CRACD: variants seen among roughly 807,000 people sequenced by gnomAD.
CRACD encodes capping protein-inhibiting regulator of actin dynamics.
Under a neutral mutation model 106.8 loss-of-function variants are expected in CRACD, and 56 were observed. The ratio of observed to expected loss-of-function variants is 0.52; its 90% CI spans 0.42 to 0.66. CRACD has a LOEUF of 0.66. Ranked by LOEUF, CRACD falls within the 30% of genes least tolerant of loss-of-function variation. The pLI is 0.00. For missense variants in CRACD, 1,730 were observed against 1,623.2 expected (o/e 1.07, Z -1.13); for synonymous variants, 754 against 670.8 (o/e 1.12, Z -1.92).
chr4:56,174,654 A>G (rs1379800885), intron 1 of CRACD, among the ~76,000 whole-genome samples: 1 of 152,196 alleles, frequency 6.6e-6, no homozygotes, highest in Non-Finnish European at 1.5e-5. Context: ...GTGTGTATAT[A>G]TAACACATAT....
chr4:56,250,420 G>A (rs539956995), intron 2 of CRACD, among the ~76,000 whole-genome samples: 19 of 152,260 alleles, frequency 1.2e-4, no homozygotes, highest in Admixed American at 9.8e-4. Context: ...AATAAGCTGT[G>A]TATTATTATC....
intron 2 of CRACD, among the ~76,000 whole-genome samples, chr4:56,193,060 G>C (rs1308005603): frequency 6.6e-6 from 1 of 152,178 alleles, no homozygotes; most frequent in African/African-American, 2.4e-5. Flanking sequence ...CGGTATAATG[G>C]ACTCACAGTT....
intron 1 of CRACD, among the ~76,000 whole-genome samples, chr4:56,085,445 G>A (rs1210481423): frequency 1.3e-5 from 2 of 152,010 alleles, no homozygotes; most frequent in African/African-American, 4.8e-5. Flanking sequence ...CAAGAGAAAC[G>A]GATTCTTGTC....
At chr4:56,200,430 G>T (rs931651146) in intron 2 of CRACD, among the ~76,000 whole-genome samples, 1 of 152,010 alleles carries the variant, frequency 6.6e-6, no homozygotes, top group Non-Finnish European at 1.5e-5. Flanking sequence ...AAGCATAATG[G>T]GAGCATTGAT....
In CRACD at chr4:56,049,163, C is replaced by CGCTGCTGGT. The variant is rs1731776566; in HGVS notation, c.-464_-456dup. 6.7e-6 allele frequency: 1 copy of CGCTGCTGGT among 149,568 alleles called. No homozygotes were observed. The highest frequency in any genetic ancestry group is 1.5e-5 in the Non-Finnish European group (1 of 66,890). The allele number at this position is 149,568 out of a possible 1,614,324, so 9.3% of individuals were successfully genotyped here. A position where few individuals can be genotyped will look rare whatever the true frequency, so the allele number is the denominator to read the frequency against. On this transcript the variant is annotated 5_prime_UTR_variant, in exon 1 of 11. Transcript: ENST00000682029. ...GCCACGGCCGACTGAGAGGCGGGTG[C>CGCTGCTGGT]GCTGCTGGTGCTGCTGCCGCGGCGG...
At chr4:56,273,956 T>A (rs182067458) in intron 3 of CRACD, among the ~76,000 whole-genome samples, 1 of 152,322 alleles carries the variant, frequency 6.6e-6, no homozygotes, top group East Asian at 1.9e-4. Context: ...TGCTGTTGTG[T>A]CTAAATTACA....
intron 3 of CRACD, among the ~76,000 whole-genome samples, chr4:56,294,942 G>GA (rs1052497401): frequency 4.4e-5 from 5 of 113,164 alleles, no homozygotes; most frequent in Non-Finnish European, 9.4e-5. Flanking sequence ...AAAGTAAAAA[G>GA]AAAAAAAAGA....
chr4:56,172,077 T>TG (rs1423748885), intron 1 of CRACD, among the ~76,000 whole-genome samples: 1 of 136,772 alleles, frequency 7.3e-6, no homozygotes, highest in Non-Finnish European at 1.5e-5. Context: ...AGGCTGGAAA[T>TG]GGGTCTCCTG....
At chr4:56,096,945 A>G (rs1184234122) in intron 1 of CRACD, among the ~76,000 whole-genome samples, 1 of 152,238 alleles carries the variant, frequency 6.6e-6, no homozygotes, top group Non-Finnish European at 1.5e-5. Flanking sequence ...GATGGAAAAC[A>G]ACATGTTTAT....
chr4:56,118,518 C>G (rs1007265825), intron 1 of CRACD, among the ~76,000 whole-genome samples: 1 of 152,188 alleles, frequency 6.6e-6, no homozygotes, highest in African/African-American at 2.4e-5. Context: ...TTAATTCTGC[C>G]TAAACATTTT....
intron 1 of CRACD, among the ~76,000 whole-genome samples, chr4:56,059,040 C>A (rs145021292): frequency 5.3e-4 from 80 of 152,044 alleles, no homozygotes; most frequent in African/African-American, 1.7e-3. Flanking sequence ...TACAAACAAC[C>A]CCGGTTGATC....
At chr4:56,189,809 T>C (rs1218419210) in intron 2 of CRACD, among the ~76,000 whole-genome samples, 1 of 148,332 alleles carries the variant, frequency 6.7e-6, no homozygotes, top group African/African-American at 2.5e-5. Context: ...ATTTTATTTA[T>C]TATTATTACT....
intron 1 of CRACD, among the ~76,000 whole-genome samples, chr4:56,073,614 G>A (rs189362171): frequency 3.3e-5 from 5 of 152,240 alleles, no homozygotes; most frequent in Admixed American, 3.3e-4. Flanking sequence ...CCTTTTGTCA[G>A]ATGGATAGAT....
intron 1 of CRACD, among the ~76,000 whole-genome samples, chr4:56,105,018 A>T (rs2109835288): frequency 6.6e-6 from 1 of 152,130 alleles, no homozygotes; most frequent in South Asian, 2.1e-4. Context: ...AGTAAGTAAA[A>T]CTATTCTGCT....
chr4:56,162,369 T>C (rs1298877767), intron 1 of CRACD, among the ~76,000 whole-genome samples: 1 of 151,898 alleles, frequency 6.6e-6, no homozygotes, highest in Non-Finnish European at 1.5e-5. Flanking sequence ...CTAATTCTTG[T>C]GGTTTTTTTG....
At chr4:56,221,323 A>C (rs2109513393) in intron 2 of CRACD, among the ~76,000 whole-genome samples, 1 of 152,324 alleles carries the variant, frequency 6.6e-6, no homozygotes, top group East Asian at 1.9e-4. Flanking sequence ...CATATTTGTT[A>C]TTAAGGGGAA....
At chr4:56,071,256 A>G (rs1340830298) in intron 1 of CRACD, among the ~76,000 whole-genome samples, 1 of 152,236 alleles carries the variant, frequency 6.6e-6, no homozygotes, top group Non-Finnish European at 1.5e-5. Flanking sequence ...CAAGAAAGAC[A>G]CTGGTGACAG....
chr4:56,171,936 G>A (rs1736384262), intron 1 of CRACD, among the ~76,000 whole-genome samples: 1 of 152,054 alleles, frequency 6.6e-6, no homozygotes, highest in South Asian at 2.1e-4. Context: ...GTTCTGTTGG[G>A]GAAGAGGCTG....
rs774008028 is a variant in CRACD, at chr4:56,314,973, C to G, written c.1471C>G (p.Leu491Val). The change falls in exon 8 of 11, where the codon CTC (leucine) becomes GTC (valine). Residue 491 changes from leucine (L) to valine (V), a missense_variant. Physicochemically the swap from Leu to Val is conservative, Grantham distance 32 (BLOSUM62 1). Coordinates refer to ENST00000682029, the MANE Select transcript of CRACD (RefSeq NM_001393381.1). The surrounding 1 kb of genome is among the most constrained non-coding windows in gnomAD (Gnocchi z 4.4). ...EKREEGDTEP[L>V]LKQEGPVEAA... ...GAGAGAAGAAGGGGACACGGAGCCT[C>G]TCCTGAAACAAGAGGGGCCGGTGGA... is the stretch of plus-strand genomic sequence containing the variant. 1.9e-6 allele frequency: 3 copies of G among 1,588,326 alleles called. No homozygotes were observed. The highest frequency in any genetic ancestry group is 2.7e-5 in the African/African-American group (2 of 74,710).
Sources: allele counts gnomAD v4.1 joint callset (sites outside exome capture counted in the v4.1 genomes callset), GRCh38; gene constraint gnomAD v4.1.1; non-coding constraint Gnocchi (gnomAD v3.1); transcripts MANE v1.5; gene names NCBI Gene and HGNC (gene_info 2026-07-23, HGNC 2026-07-21).